Variants in NUP107 observed in about 807,000 individuals in gnomAD.
NUP107 encodes the protein nuclear pore complex protein Nup107.
A neutral mutation model predicts 141.0 loss-of-function variants in NUP107; 101 were observed. The observed-to-expected ratio is 0.72, with a 90% CI of 0.61 to 0.84. The LOEUF is 0.84. NUP107 is among the 40% of genes least tolerant of loss of function. The pLI is 0.00. For synonymous variants in NUP107, 319 were observed against 363.9 expected, an observed-to-expected ratio of 0.88 and a Z score of 1.41; for missense variants, 941 against 1,102.7, an observed-to-expected ratio of 0.85 and a Z score of 2.08.
intron 10 of NUP107, among the ~76,000 whole-genome samples, chr12:68,710,532 G>A (rs1381140831): frequency 5.9e-5 from 9 of 151,802 alleles, no homozygotes; most frequent in South Asian, 2.1e-4. Flanking sequence ...ACGCACACCT[G>A]TAATCCCAGC....
At position 68,733,575 on chromosome 12, in the gene NUP107, A is replaced by G. The variant is rs760543942; in HGVS notation, c.2225A>G (p.Asn742Ser). Residue 742 changes from asparagine (N) to serine (S), a missense_variant, in exon 24 of 28, where the codon AAT (asparagine) becomes AGT (serine). By Grantham distance (46) the Asn-to-Ser change is conservative. Transcript: ENST00000229179. The part of the protein sequence containing the change: ...MESPLPAEDD[N>S]AIREHLCIRA... ...AGTCCACTTCCTGCTGAAGATGATA[A>G]TGCTATCCGAGAACATTTGTGCATC... is the stretch of plus-strand genomic sequence containing the variant. The G allele has an allele frequency of 2.5e-6, 4 of 1,612,320 alleles. No homozygotes were observed. The South Asian group carries it at 4.4e-5, about 18-fold the overall frequency.
intron 20 of NUP107, among the ~76,000 whole-genome samples, chr12:68,729,435 T>TA (rs1877717641): frequency 1.3e-5 from 2 of 152,004 alleles, no homozygotes; most frequent in South Asian, 4.1e-4. Flanking sequence ...CCTTTTTTTT[T>TA]ATTTTTTATT....
At chr12:68,697,650 A>G (rs1253099724) in intron 6 of NUP107, among the ~76,000 whole-genome samples, 1 of 152,160 alleles carries the variant, frequency 6.6e-6, no homozygotes, top group African/African-American at 2.4e-5. Context: ...CAACAATAAG[A>G]AAATGAACAA....
intron 5 of NUP107, among the ~76,000 whole-genome samples, chr12:68,694,139 T>C (rs560698079): frequency 6.6e-6 from 1 of 152,334 alleles, no homozygotes; most frequent in African/African-American, 2.4e-5. Flanking sequence ...AACACTTTGG[T>C]AACTACTACT....
chr12:68,713,662 T>A lies in NUP107; in HGVS notation c.891-68T>A, dbSNP rs1046345407. ...TCTGTCTTTCTTCCTTTGACTTGAT[T>A]TGATTTTTTAAAAATAGACCTATTA... On this transcript the variant is annotated intron_variant, in intron 10 of 27. Coordinates refer to ENST00000229179, the MANE Select transcript of NUP107 (RefSeq NM_020401.4). 1.2e-5 allele frequency: 13 copies of A among 1,095,896 alleles called. 1 individual carries two copies. In the Admixed American group the frequency reaches 1.3e-4, roughly 11 times the overall value. The allele number at this position is 1,095,896 out of a possible 1,614,324, so 67.9% of individuals were successfully genotyped here.
At chr12:68,695,670 A>G (rs1459522363) in intron 5 of NUP107, among the ~76,000 whole-genome samples, 2 of 152,214 alleles carry the variant, frequency 1.3e-5, no homozygotes, top group African/African-American at 4.8e-5. Context: ...GTATTACAAG[A>G]TGAAATAGTT....
At chr12:68,739,189 A>G (rs751048990) in intron 26 of NUP107, among the ~76,000 whole-genome samples, 2 of 152,244 alleles carry the variant, frequency 1.3e-5, no homozygotes, top group African/African-American at 4.8e-5. Context: ...GCATGTATGC[A>G]TGTGTATACA....
At chr12:68,702,608 GA>G in intron 7 of NUP107, 127 bp from the exon 8 acceptor site, 4 of 622,230 alleles carry the variant, frequency 6.4e-6, no homozygotes, top group South Asian at 3.9e-5. Context: ...ATACATATTT[GA>G]AAAAATAAAT....
intron 12 of NUP107, among the ~76,000 whole-genome samples, chr12:68,716,240 TCTTTC>T (rs776433576): frequency 1.6e-4 from 19 of 120,684 alleles, no homozygotes; most frequent in Admixed American, 3.5e-4. Flanking sequence ...TTTCTTTCTT[TCTTTC>T]TTTTTTTTTT....
chr12:68,696,130 C>T (rs981771435), intron 5 of NUP107, among the ~76,000 whole-genome samples: 4 of 151,268 alleles, frequency 2.6e-5, no homozygotes, highest in Non-Finnish European at 5.9e-5. Context: ...CTTTGGGAGG[C>T]CAAGGTGGGC....
intron 7 of NUP107, 84 bp downstream of exon 7, chr12:68,700,937 G>C: frequency 7.4e-7 from 1 of 1,356,056 alleles, no homozygotes; most frequent in Non-Finnish European, 9.9e-7. Flanking sequence ...AGGGTAGGTC[G>C]TGCTTGGAAA....
intron 12 of NUP107, among the ~76,000 whole-genome samples, chr12:68,716,583 C>G (rs1284027017): frequency 6.6e-6 from 1 of 152,110 alleles, no homozygotes; most frequent in Non-Finnish European, 1.5e-5. Flanking sequence ...TAAACCTAAC[C>G]CTAATTCTAG....
chr12:68,692,958 C>G (rs2135998834), intron 5 of NUP107, among the ~76,000 whole-genome samples: 1 of 152,082 alleles, frequency 6.6e-6, no homozygotes, highest in African/African-American at 2.4e-5. Flanking sequence ...CCATGTTGGC[C>G]AGGCTTGTCT....
intron 5 of NUP107, among the ~76,000 whole-genome samples, chr12:68,695,946 A>G (rs1403114633): frequency 6.6e-6 from 1 of 151,460 alleles, no homozygotes; most frequent in Non-Finnish European, 1.5e-5. Flanking sequence ...GTTTGAGGCT[A>G]TAGTGAGCCA....
rs1028240852 is a variant in NUP107, at chr12:68,744,932, A to G, written c.*2470A>G. The stretch of plus-strand genomic sequence containing the variant: ...AAACTCAGGGAAGGGCGTGTTGCCT[A>G]TCACAGGTTCGCATACTAAGTTTTA... On this transcript the variant is annotated 3_prime_UTR_variant, in exon 28 of 28. Coordinates refer to ENST00000229179, the MANE Select transcript of NUP107 (RefSeq NM_020401.4). 6.6e-6 allele frequency: 1 copy of G among 152,266 alleles called. No individual in the cohort carries two copies. Among genetic ancestry groups the G allele is most frequent in the East Asian group, 1.9e-4 (1 of 5,202 alleles). The allele number at this position is 152,266 out of a possible 1,614,324, so 9.4% of individuals were successfully genotyped here. A position where few individuals can be genotyped will look rare whatever the true frequency, so the allele number is the denominator to read the frequency against.
chr12:68,696,754 G>A, intron 5 of NUP107, 65 bp from the exon 6 acceptor site: 2 of 825,958 alleles, frequency 2.4e-6, no homozygotes, highest in African/African-American at 1.7e-5. Flanking sequence ...CAAACAAACG[G>A]AATTACCTAG....
At chr12:68,725,853 T>TTC (rs1592515664) in intron 18 of NUP107, 57 bp downstream of exon 18, 1 of 1,025,146 alleles carries the variant, frequency 9.8e-7, no homozygotes, top group Middle Eastern at 2.6e-4. Context: ...TTTTTTTTTT[T>TTC]TGAGACAAAG....
At chr12:68,731,813 A>G (rs1262781606) in intron 22 of NUP107, 94 bp downstream of exon 22, 5 of 703,648 alleles carry the variant, frequency 7.1e-6, no homozygotes, top group Middle Eastern at 2.6e-4. Context: ...AAGAAGTTCT[A>G]TTAGGTTTTC....
intron 20 of NUP107, among the ~76,000 whole-genome samples, chr12:68,727,851 A>C (rs1456302753): frequency 6.6e-6 from 1 of 152,146 alleles, no homozygotes; most frequent in Admixed American, 6.6e-5. Flanking sequence ...ACATCCAGAT[A>C]ACACTGTATT....
Sources: allele counts gnomAD v4.1 joint callset (sites outside exome capture counted in the v4.1 genomes callset), GRCh38; gene constraint gnomAD v4.1.1; transcripts MANE v1.5; gene names NCBI Gene and HGNC (gene_info 2026-07-23, HGNC 2026-07-21).